CELSR1: variants seen among roughly 807,000 people sequenced by gnomAD.
The protein encoded by CELSR1 is adhesion G protein-coupled receptor C1.
CELSR1 carries 110 observed loss-of-function variants against 249.1 expected under a neutral mutation model. That is an observed-to-expected ratio of 0.44 (90% confidence interval 0.38 to 0.52). CELSR1 has a LOEUF of 0.52. Among genes scored for constraint, CELSR1 ranks in the 20% least tolerant of loss-of-function variants. The pLI, the probability that CELSR1 is intolerant of heterozygous loss-of-function variation, is 0.00. For missense variants in CELSR1, 4,109 were observed against 4,296.4 expected (o/e 0.96, Z 1.22); for synonymous variants, 2,113 against 1,900.0 (o/e 1.11, Z -2.92).
chr22:46,367,976 C>T, intron 27 of CELSR1, 121 bp from the exon 28 acceptor site: 1 of 1,347,646 alleles, frequency 7.4e-7, no homozygotes, highest in South Asian at 1.4e-5. Flanking sequence ...GTCCGTCCAC[C>T]TGTCCACCCA....
At chr22:46,532,313 G>A (rs951305550) in intron 1 of CELSR1, among the ~76,000 whole-genome samples, 1 of 152,210 alleles carries the variant, frequency 6.6e-6, no homozygotes, top group African/African-American at 2.4e-5. Flanking sequence ...TCGCCCTTAA[G>A]GGCCTATTCC....
At chr22:46,369,089 C>T (rs1207217940) in intron 27 of CELSR1, 90 bp downstream of exon 27, 2 of 1,257,296 alleles carry the variant, frequency 1.6e-6, no homozygotes, top group East Asian at 4.6e-5. Flanking sequence ...GGCCTACACG[C>T]TCTCATGGGG....
rs148104338 is a variant in CELSR1 at position 46,390,774 on chromosome 22, C to T, written c.6251-288G>A. Among the ~76,000 whole-genome samples, 1 of 152,316 alleles carries T rather than the reference C, an allele frequency of 6.6e-6. No homozygotes were observed. The highest frequency in any genetic ancestry group is 2.4e-5 in the African/African-American group (1 of 41,574). On this transcript the variant is annotated intron_variant, in intron 16 of 34. Coordinates refer to ENST00000674500, the MANE Select transcript of CELSR1 (RefSeq NM_001378328.1). This position sits in a 1 kb window ranked among gnomAD's most constrained non-coding sequence, Gnocchi z 6.3. Reference sequence around the variant, plus strand: ...CAGCAACACCATCTGCCGGCAGCCACGATCCCATGCACCAGGAATCCATTT... The same window carrying T: ...CAGCAACACCATCTGCCGGCAGCCATGATCCCATGCACCAGGAATCCATTT...
intron 1 of CELSR1, among the ~76,000 whole-genome samples, chr22:46,496,019 C>A (rs924540707): frequency 6.6e-6 from 1 of 150,876 alleles, no homozygotes; most frequent in Non-Finnish European, 1.5e-5. Context: ...CATGGTGAAA[C>A]CCTGTCTCTA....
Position 46,410,346 on chromosome 22 carries a change from G to A in CELSR1, c.4933+52C>T, listed in dbSNP as rs374136684. On this transcript the variant is annotated intron_variant, in intron 7 of 34. Transcript: ENST00000674500. This position sits in a 1 kb window ranked among gnomAD's most constrained non-coding sequence, Gnocchi z 6.8. ...CAGTGACCTCTGTGTGGCTGCCGAC[G>A]TCCAGCCAGATGCCACTGCGGCAGC... 6.5e-5 allele frequency: 103 copies of A among 1,591,634 alleles called. No homozygotes were observed. Among genetic ancestry groups the A allele is most frequent in the Non-Finnish European group, 8.3e-5 (96 of 1,162,348 alleles).
At chr22:46,463,521 T>TCAA (rs2080056569) in intron 2 of CELSR1, among the ~76,000 whole-genome samples, 186 bp downstream of exon 2, 1 of 95,202 alleles carries the variant, frequency 1.1e-5, no homozygotes, top group East Asian at 4.9e-4. Flanking sequence ...CTCAAAAAAG[T>TCAA]TAAAAAAAAA....
At chr22:46,478,086 C>T (rs948893967) in intron 1 of CELSR1, among the ~76,000 whole-genome samples, 6 of 152,342 alleles carry the variant, frequency 3.9e-5, no homozygotes, top group South Asian at 2.1e-4. Flanking sequence ...ATCACCCAAA[C>T]CTCTGGACCC....
chr22:46,450,450 C>A (rs1316783836), intron 2 of CELSR1, among the ~76,000 whole-genome samples: 2 of 152,276 alleles, frequency 1.3e-5, no homozygotes, highest in Non-Finnish European at 2.9e-5. Flanking sequence ...TCACAGCAAC[C>A]TCCTCCAGAG....
chr22:46,491,262 CT>C (rs58492957), intron 1 of CELSR1, among the ~76,000 whole-genome samples: 40,718 of 118,112 alleles, frequency 0.34, 4,433 homozygotes, highest in African/African-American at 0.41. Context: ...CAGAAAGTCA[CT>C]TTTTTTTTTT....
chr22:46,473,686 C>T lies in CELSR1; in HGVS notation c.3545-9341G>A, dbSNP rs1450725280. On this transcript the variant is annotated intron_variant, in intron 1 of 34. Coordinates refer to ENST00000674500, the MANE Select transcript of CELSR1 (RefSeq NM_001378328.1). The surrounding 1 kb of genome is among the most constrained non-coding windows in gnomAD (Gnocchi z 6.6). ...CTTGCTGTCCAGCTGGTAAGAGACA[C>T]AGGGTGCGTGCCTGTCCTTCCCGAG... is the stretch of plus-strand genomic sequence containing the variant. Among the ~76,000 whole-genome samples, 3 of 152,184 alleles carry T rather than the reference C, an allele frequency of 2.0e-5. No individual in the cohort carries two copies. Among genetic ancestry groups the T allele is most frequent in the Admixed American group, 6.5e-5 (1 of 15,276 alleles).
chr22:46,453,940 C>A (rs1214676421), intron 2 of CELSR1, among the ~76,000 whole-genome samples: 1 of 152,184 alleles, frequency 6.6e-6, no homozygotes, highest in Non-Finnish European at 1.5e-5. Flanking sequence ...TAATGGACCC[C>A]AAAAGGCGTC....
At position 46,484,282 on chromosome 22, in the gene CELSR1, G is replaced by A. The variant is rs2080294005; in HGVS notation, c.3545-19937C>T. 6.6e-6 allele frequency among the ~76,000 whole-genome samples: 1 copy of A among 152,178 alleles called. No individual in the cohort carries two copies. The highest frequency in any genetic ancestry group is 2.4e-5 in the African/African-American group (1 of 41,454). On this transcript the variant is annotated intron_variant, in intron 1 of 34. Transcript: ENST00000674500. The surrounding 1 kb of genome is among the most constrained non-coding windows in gnomAD (Gnocchi z 4.5). ...CTGCTCAGTCCCAAGCAAGACCGCT[G>A]GGAGGGTCCTGCAGGGGACAGAGTC...
chr22:46,392,110 AT>A (rs2079099629), intron 14 of CELSR1, among the ~76,000 whole-genome samples: 1 of 152,246 alleles, frequency 6.6e-6, no homozygotes, highest in Admixed American at 6.5e-5. Flanking sequence ...AGAATCAGAG[AT>A]CCAAATGGAG....
chr22:46,403,392 C>CAA (rs61497637), intron 9 of CELSR1, among the ~76,000 whole-genome samples: 42 of 116,220 alleles, frequency 3.6e-4, no homozygotes, highest in African/African-American at 8.4e-4. Flanking sequence ...ACTAAAAATA[C>CAA]AAAAAAAAAA....
rs575523696 is a variant in CELSR1, at chr22:46,520,236, G to T, written c.3544+13391C>A. 2.6e-5 allele frequency among the ~76,000 whole-genome samples: 4 copies of T among 152,242 alleles called. No homozygotes were observed. The South Asian group carries it at 6.2e-4, about 24-fold the overall frequency. On this transcript the variant is annotated intron_variant, in intron 1 of 34. Transcript: ENST00000674500. ...AGCACAGGAAAAGGCACAGAAGGAA[G>T]AAGAGCCCCGAGCTCAGAAGGAGGC...
chr22:46,372,824 A>C (rs1960627314), intron 25 of CELSR1, 59 bp downstream of exon 25: 1 of 1,540,556 alleles, frequency 6.5e-7, no homozygotes, highest in Non-Finnish European at 8.8e-7. Flanking sequence ...GCGTTCCTGC[A>C]CAGCTGGGGT....
chr22:46,463,816 G>C lies in CELSR1; in HGVS notation c.4074C>G (p.Asp1358Glu), dbSNP rs1382002891. 1.2e-6 allele frequency: 2 copies of C among 1,610,782 alleles called. No individual in the cohort carries two copies. Among genetic ancestry groups the C allele is most frequent in the Non-Finnish European group, 1.7e-6 (2 of 1,178,544 alleles). ...AGAGGTCGATCTCCGTCTCGCAGTA[G>C]TCGCCGGTGAAGCCGGGCGGGCAGC... ...RCRCPPGFTG[D>E]YCETEIDLCY... Residue 1358 changes from aspartate (D) to glutamate (E), a missense_variant, in exon 2 of 35, where the codon GAC (aspartate) becomes GAG (glutamate). Around this residue, in one of 7 missense-constraint regions of CELSR1, gnomAD observed 453 missense variants for 492.0 expected, o/e 0.92. Coordinates refer to ENST00000674500, the MANE Select transcript of CELSR1 (RefSeq NM_001378328.1).
chr22:46,432,428 C>G (rs897985098), intron 5 of CELSR1, among the ~76,000 whole-genome samples: 1 of 152,192 alleles, frequency 6.6e-6, no homozygotes, highest in Non-Finnish European at 1.5e-5. Context: ...TAGGCCCCAG[C>G]CTTGTGAAGT....
intron 2 of CELSR1, among the ~76,000 whole-genome samples, chr22:46,439,754 C>T (rs1209675405): frequency 6.6e-6 from 1 of 152,124 alleles, no homozygotes; most frequent in Non-Finnish European, 1.5e-5. Flanking sequence ...CTGAGCTGGA[C>T]TCTTCTGAGG....
Sources: gnomAD v4.1 joint callset for allele counts (sites outside exome capture counted in the v4.1 genomes callset) on GRCh38, gnomAD v4.1.1 for gene constraint, gnomAD v4.1.1 regional missense constraint, Gnocchi (gnomAD v3.1) non-coding constraint, MANE v1.5 for transcripts, NCBI Gene and HGNC (gene_info 2026-07-23, HGNC 2026-07-21) for gene names.